The following MTMR3 variants were observed in gnomAD, a reference collection of about 807,000 sequenced individuals.
The protein encoded by MTMR3 is phosphatidylinositol-3,5-bisphosphate 3-phosphatase MTMR3.
MTMR3 carries 32 observed loss-of-function variants against 132.4 expected under a neutral mutation model. That is an observed-to-expected ratio of 0.24 (90% CI 0.18 to 0.32). MTMR3 has a LOEUF of 0.32. Among genes scored for constraint, MTMR3 ranks in the 10% least tolerant of loss-of-function variants. The probability of loss-of-function intolerance (pLI) is 1.00; values close to 1 mark genes in which losing one functional copy is unlikely to be tolerated. For synonymous variants in MTMR3, 556 were observed against 550.3 expected (o/e 1.01, Z -0.14); for missense variants, 1,216 against 1,489.6 (o/e 0.82, Z 3.02).
At chr22:29,921,003 G>A (rs2065401598) in intron 1 of MTMR3, among the ~76,000 whole-genome samples, 2 of 152,036 alleles carry the variant, frequency 1.3e-5, no homozygotes, top group South Asian at 4.1e-4. Flanking sequence ...GGGTGGTCCT[G>A]TAATAATGCT....
chr22:30,005,431 T>C (rs1294100250), intron 9 of MTMR3: 2 of 152,204 alleles, frequency 1.3e-5, no homozygotes, highest in Non-Finnish European at 1.5e-5. Flanking sequence ...ACTGCTCCTC[T>C]TGGGCACTGC....
chr22:29,918,055 T>A (rs1484672542), intron 1 of MTMR3, among the ~76,000 whole-genome samples: 1 of 152,184 alleles, frequency 6.6e-6, no homozygotes, highest in African/African-American at 2.4e-5. Flanking sequence ...ATGCAGTGAG[T>A]TTAAGTGTTT....
At chr22:30,004,560 A>C (rs991866132) in intron 9 of MTMR3, 4 of 152,116 alleles carry the variant, frequency 2.6e-5, no homozygotes, top group Non-Finnish European at 5.9e-5. Flanking sequence ...CTTTTTCTAG[A>C]GATACAAGAG....
chr22:30,001,207 C>G (rs574509584), intron 8 of MTMR3: 2 of 152,138 alleles, frequency 1.3e-5, no homozygotes, highest in Admixed American at 6.6e-5. Flanking sequence ...CTGGCTAACA[C>G]AGTGAAACCC....
At chr22:29,991,186 A>G in intron 6 of MTMR3, 1 of 175,442 alleles carries the variant, frequency 5.7e-6, no homozygotes, top group South Asian at 1.9e-4. Flanking sequence ...GAAGAAGTAG[A>G]ATGAAACTCC....
At chr22:29,883,572 G>A (rs1293223837) in intron 1 of MTMR3, among the ~76,000 whole-genome samples, 1 of 152,074 alleles carries the variant, frequency 6.6e-6, no homozygotes, top group African/African-American at 2.4e-5. Flanking sequence ...GTGGGAATGG[G>A]AGCTCGGCGG....
chr22:29,964,053 CAA>C (rs2066367260), intron 2 of MTMR3, among the ~76,000 whole-genome samples: 1 of 152,100 alleles, frequency 6.6e-6, no homozygotes, highest in African/African-American at 2.4e-5. Flanking sequence ...GGCTATTTTT[CAA>C]AGAGGCTGCA....
At chr22:30,002,098 A>G (rs2067187333) in intron 8 of MTMR3, 1 of 152,220 alleles carries the variant, frequency 6.6e-6, no homozygotes, top group Non-Finnish European at 1.5e-5. Flanking sequence ...TTGTCCTGTA[A>G]GTAAAAATCT....
At chr22:30,022,571 C>T in intron 18 of MTMR3, 38 bp from the exon 19 acceptor site, 1 of 1,575,758 alleles carries the variant, frequency 6.3e-7, no homozygotes, top group African/African-American at 1.3e-5. Context: ...CTGGATGGCC[C>T]ATCTCCTGTC....
intron 12 of MTMR3, 169 bp downstream of exon 12, chr22:30,009,298 G>A (rs1285725842): frequency 1.7e-6 from 1 of 589,150 alleles, no homozygotes; most frequent in South Asian, 2.1e-5. Flanking sequence ...GTATCTCCTT[G>A]CTGGGTCTGA....
intron 1 of MTMR3, among the ~76,000 whole-genome samples, chr22:29,910,363 G>A (rs1293905009): frequency 6.6e-6 from 1 of 152,206 alleles, no homozygotes; most frequent in Non-Finnish European, 1.5e-5. Context: ...TAAAGTGATG[G>A]ATCAGCAAAG....
rs759953852 is a variant in MTMR3, at chr22:30,020,420, G to A, written c.2761G>A (p.Glu921Lys). ...TTCCCCTTGTGCCTTGCCTTTAGCCGAATGTAAAGAGGGGCTTGTGTGCAA... is the reference window on the plus strand; with the variant it reads ...TTCCCCTTGTGCCTTGCCTTTAGCCAAATGTAAAGAGGGGCTTGTGTGCAA... ...TRSPCALPLAECKEGLVCNGA... is the reference protein window; with the variant it reads ...TRSPCALPLAKCKEGLVCNGA... The change falls in exon 17 of 20, where the codon GAA becomes AAA. Residue 921 changes from glutamate to lysine, a missense_variant. Around this residue, in one of 7 missense-constraint regions of MTMR3, gnomAD observed 852 missense variants for 852.0 expected, o/e 1.00. Coordinates refer to ENST00000401950, the MANE Select transcript of MTMR3 (RefSeq NM_021090.4). The A allele has an allele frequency of 1.7e-5, 27 of 1,614,054 alleles. No individual in the cohort carries two copies. In the Middle Eastern group the frequency reaches 4.9e-4, roughly 29 times the overall value.
chr22:30,022,025 A>G lies in MTMR3; in HGVS notation c.3226-4A>G. ...TCTGTTCAGCTGTGTTTGTTTGCCAACAGACTTCAATCCCCGACTCGGAAA... is the reference window on the plus strand; with the variant it reads ...TCTGTTCAGCTGTGTTTGTTTGCCAGCAGACTTCAATCCCCGACTCGGAAA... On this transcript the variant is annotated splice_polypyrimidine_tract_variant and splice_region_variant and intron_variant, in intron 17 of 19. Coordinates refer to ENST00000401950, the MANE Select transcript of MTMR3 (RefSeq NM_021090.4). 2 of 1,611,386 alleles carry G rather than the reference A, an allele frequency of 1.2e-6. No homozygotes were observed. The highest frequency in any genetic ancestry group is 8.5e-7 in the Non-Finnish European group (1 of 1,177,464).
At chr22:29,973,979 T>A (rs987152614) in intron 3 of MTMR3, among the ~76,000 whole-genome samples, 1 of 152,170 alleles carries the variant, frequency 6.6e-6, no homozygotes, top group African/African-American at 2.4e-5. Context: ...GCTGCATAAT[T>A]TAGCCAATAG....
At chr22:30,007,744 A>T (rs2067304394) in intron 10 of MTMR3, 157 bp from the exon 11 acceptor site, 2 of 867,530 alleles carry the variant, frequency 2.3e-6, no homozygotes, top group Non-Finnish European at 3.4e-6. Context: ...GGCCACATAG[A>T]AAAAAAGAGA....
intron 1 of MTMR3, among the ~76,000 whole-genome samples, chr22:29,933,853 GCAC>G (rs776602891): frequency 6.6e-6 from 1 of 151,504 alleles, no homozygotes; most frequent in Non-Finnish European, 1.5e-5. Flanking sequence ...CCACAGGTGT[GCAC>G]CATTGTGCCT....
At chr22:29,911,533 A>G (rs984098240) in intron 1 of MTMR3, among the ~76,000 whole-genome samples, 2 of 151,306 alleles carry the variant, frequency 1.3e-5, no homozygotes, top group African/African-American at 4.9e-5. Flanking sequence ...ACAGAGTGAG[A>G]CTGTGTCTCA....
intron 1 of MTMR3, among the ~76,000 whole-genome samples, chr22:29,884,278 C>T (rs984402435): frequency 3.3e-5 from 5 of 152,098 alleles, no homozygotes; most frequent in Admixed American, 3.3e-4. Context: ...CAAAACAAAA[C>T]AAAACCCCAA....
intron 2 of MTMR3, among the ~76,000 whole-genome samples, chr22:29,967,253 G>GT (rs1348532725): frequency 1.3e-5 from 2 of 149,100 alleles, no homozygotes; most frequent in South Asian, 2.1e-4. Context: ...GCGCGCGCAT[G>GT]TTTTTTAGAG....
Sources: allele counts gnomAD v4.1 joint callset (sites outside exome capture counted in the v4.1 genomes callset), GRCh38; gene constraint gnomAD v4.1.1; regional missense constraint gnomAD v4.1.1; transcripts MANE v1.5; gene names NCBI Gene and HGNC (gene_info 2026-07-23, HGNC 2026-07-21).